The following ABCC6 variants were observed in gnomAD, a reference collection of about 807,000 sequenced individuals.
ABCC6 encodes ATP binding cassette subfamily C member 6.
ABCC6 carries 126 observed loss-of-function variants against 169.5 expected under a neutral mutation model. The observed-to-expected ratio is 0.74, with a 90% CI of 0.64 to 0.86. The LOEUF is 0.86. Ranked by LOEUF, ABCC6 falls within the 40% of genes least tolerant of loss-of-function variation. The probability of loss-of-function intolerance (pLI) is 0.00; values close to 1 mark genes in which losing one functional copy is unlikely to be tolerated. For synonymous variants in ABCC6, 752 were observed against 814.7 expected, an observed-to-expected ratio of 0.92 and a Z score of 1.31; for missense variants, 1,733 against 1,927.2, an observed-to-expected ratio of 0.90 and a Z score of 1.89.
chr16:16,193,372 GCT>G (rs1375566348), intron 10 of ABCC6, among the ~76,000 whole-genome samples: 3 of 152,172 alleles, frequency 2.0e-5, no homozygotes, highest in African/African-American at 7.2e-5. Context: ...CCTCTGGGTT[GCT>G]CTCTCTATGG....
chr16:16,207,183 T>C (rs1436825243), intron 7 of ABCC6, among the ~76,000 whole-genome samples: 1 of 152,080 alleles, frequency 6.6e-6, no homozygotes, highest in Non-Finnish European at 1.5e-5. Flanking sequence ...ACTTATTCTG[T>C]TTGGAAAAAC....
chr16:16,159,684 G>T, intron 25 of ABCC6, 101 bp from the exon 26 acceptor site: 2 of 1,066,204 alleles, frequency 1.9e-6, no homozygotes, highest in South Asian at 1.3e-5. Flanking sequence ...CCAGACCCAG[G>T]GGAGTAAAGA....
intron 15 of ABCC6, among the ~76,000 whole-genome samples, chr16:16,184,419 C>T (rs1259365590): frequency 6.6e-6 from 1 of 152,094 alleles, no homozygotes; most frequent in Non-Finnish European, 1.5e-5. Context: ...ATACCTAGAA[C>T]AGAGCGTGGC....
intron 11 of ABCC6, among the ~76,000 whole-genome samples, chr16:16,192,425 G>A (rs1476927849): frequency 1.3e-5 from 2 of 152,192 alleles, no homozygotes; most frequent in African/African-American, 4.8e-5. Context: ...CTCTGGCTGG[G>A]AGTGGAGAGA....
At position 16,178,879 on chromosome 16, in the gene ABCC6, G is replaced by T; in HGVS notation, c.2334C>A (p.Asp778Glu). Residue 778 changes from aspartate (D) to glutamate (E), a missense_variant, in exon 18 of 31, where the codon GAC (aspartate) becomes GAA (glutamate). Physicochemically the swap from Asp to Glu is conservative, Grantham distance 45 (BLOSUM62 2). This residue lies in a region of ABCC6 where 1,601 missense variants were observed against 1,635.5 expected (regional missense o/e 0.98). Transcript: ENST00000205557. Reference protein sequence around the residue: ...YRKAAVYLLDDPLAALDAHVG... With the variant: ...YRKAAVYLLDEPLAALDAHVG... ...CGTGGGCATCCAGGGCCGCCAGGGGGTCATCCAGCAGGTACACAGCTGCCT... is the reference window on the plus strand; with the variant it reads ...CGTGGGCATCCAGGGCCGCCAGGGGTTCATCCAGCAGGTACACAGCTGCCT... 6.2e-7 allele frequency: 1 copy of T among 1,613,874 alleles called. No homozygotes were observed. The highest frequency in any genetic ancestry group is 8.5e-7 in the Non-Finnish European group (1 of 1,180,022).
At chr16:16,191,995 T>G (rs1027440067) in intron 11 of ABCC6, among the ~76,000 whole-genome samples, 1 of 151,850 alleles carries the variant, frequency 6.6e-6, no homozygotes, top group Non-Finnish European at 1.5e-5. Flanking sequence ...CTGTAGGTTG[T>G]GGGAAGTGCT....
chr16:16,154,583 C>G, intron 29 of ABCC6, 45 bp downstream of exon 29: 1 of 1,610,380 alleles, frequency 6.2e-7, no homozygotes, highest in South Asian at 1.1e-5. Context: ...TGGCCATCCC[C>G]TCCTCTCCCA....
intron 13 of ABCC6, among the ~76,000 whole-genome samples, chr16:16,187,516 T>C (rs1300633261): frequency 6.6e-6 from 1 of 152,220 alleles, no homozygotes; most frequent in Non-Finnish European, 1.5e-5. Flanking sequence ...AGCCATTGTG[T>C]GGAACAATTT....
At chr16:16,216,586 G>C (rs1473306519) in intron 4 of ABCC6, among the ~76,000 whole-genome samples, 1 of 152,018 alleles carries the variant, frequency 6.6e-6, no homozygotes, top group Admixed American at 6.6e-5. Flanking sequence ...TCTGTTGATG[G>C]ACACTTAGGT....
chr16:16,190,563 C>T (rs1790067717), intron 11 of ABCC6, among the ~76,000 whole-genome samples, 196 bp from the exon 12 acceptor site: 1 of 151,982 alleles, frequency 6.6e-6, no homozygotes, highest in Non-Finnish European at 1.5e-5. Context: ...CAGGAGTGCC[C>T]CTGGGATAAT....
chr16:16,187,106 G>C lies in ABCC6; in HGVS notation c.1867+18C>G. 1 of 1,605,292 alleles carries C rather than the reference G, an allele frequency of 6.2e-7. No homozygotes were observed. The highest frequency in any genetic ancestry group is 1.1e-5 in the South Asian group (1 of 90,606). On this transcript the variant is annotated intron_variant, in intron 14 of 30. Coordinates refer to ENST00000205557, the MANE Select transcript of ABCC6 (RefSeq NM_001171.6). ...CCCCCATCCCTCCCACACCCCTCCT[G>C]CCAGACTCAGCACTCACCGCTTCCA...
rs542502733 is a variant in ABCC6 at position 16,198,047 on chromosome 16, C to T, written c.1312G>A (p.Val438Met). ...TGCCAGAGATAGACGAAGCAGACCA[C>T]GATCCAGACGAGAGGCAGCCACAGC... ...NGLWLPLVWI[V>M]VCFVYLWQLL... The change falls in exon 10 of 31, where the codon GTG becomes ATG. Residue 438 changes from valine (V) to methionine (M), a missense_variant. Val to Met is a conservative substitution (Grantham distance 21). This residue lies in a region of ABCC6 where 1,601 missense variants were observed against 1,635.5 expected (regional missense o/e 0.98). Coordinates refer to ENST00000205557, the MANE Select transcript of ABCC6 (RefSeq NM_001171.6). 242 of 1,614,160 alleles carry T rather than the reference C, an allele frequency of 1.5e-4. 3 individuals carry two copies. In the East Asian group the frequency reaches 4.6e-3, roughly 31 times the overall value.
chr16:16,198,587 G>C (rs2048131025), intron 9 of ABCC6, among the ~76,000 whole-genome samples: 2 of 151,930 alleles, frequency 1.3e-5, no homozygotes, highest in Non-Finnish European at 2.9e-5. Flanking sequence ...AGTGGCCTCT[G>C]CCTGTAATCC....
intron 25 of ABCC6, among the ~76,000 whole-genome samples, chr16:16,160,793 A>C (rs1567472930): frequency 6.6e-6 from 1 of 152,182 alleles, no homozygotes; most frequent in Non-Finnish European, 1.5e-5. Flanking sequence ...CAACAAAATG[A>C]GATCCTGTCT....
Position 16,178,955 on chromosome 16 carries a change from A to G in ABCC6, c.2258T>C (p.Leu753Pro), listed in dbSNP as rs1555512484. 8 of 1,612,536 alleles carry G rather than the reference A, an allele frequency of 5.0e-6. No individual in the cohort carries two copies. The highest frequency in any genetic ancestry group is 6.8e-6 in the Non-Finnish European group (8 of 1,180,006). The change falls in exon 18 of 31, where the codon CTC (leucine) becomes CCC (proline). Residue 753 changes from leucine (L) to proline (P), a missense_variant. Around this residue, in one of 5 missense-constraint regions of ABCC6, gnomAD observed 1,601 missense variants for 1,635.5 expected, o/e 0.98. Coordinates refer to ENST00000205557, the MANE Select transcript of ABCC6 (RefSeq NM_001171.6). ...HTSIGEQGMN[L>P]SGGQKQRLSL... ...CAGCCGCTGCTTCTGGCCTCCGGAG[A>G]GATTCATGCCCTGTGGCCACAAAAG...
At chr16:16,191,635 C>T (rs2047856665) in intron 11 of ABCC6, among the ~76,000 whole-genome samples, 1 of 73,314 alleles carries the variant, frequency 1.4e-5, no homozygotes, top group African/African-American at 4.9e-5. Flanking sequence ...TGCTTTCTTC[C>T]CTCTTTCCTT....
Position 16,166,927 on chromosome 16 carries a change from C to CA in ABCC6, c.2996-995dup, listed in dbSNP as rs1567480753. ...AAAACAAACAAACAAACAAAAAAAC[C>CA]AAAAAAACCTCCACAAAGAGTTAAC... On this transcript the variant is annotated intron_variant, in intron 22 of 30. Coordinates refer to ENST00000205557, the MANE Select transcript of ABCC6 (RefSeq NM_001171.6). 4.9e-5 allele frequency among the ~76,000 whole-genome samples: 7 copies of CA among 142,966 alleles called. No homozygotes were observed. In the South Asian group the frequency reaches 1.2e-3, roughly 24 times the overall value. 93.8% of individuals were successfully genotyped at this position (142,966 alleles called of 152,430 possible).
Position 16,173,395 on chromosome 16 carries a change from C to G in ABCC6, c.2676G>C (p.Lys892Asn). 6.2e-7 allele frequency: 1 copy of G among 1,614,050 alleles called. No individual in the cohort carries two copies. The highest frequency in any genetic ancestry group is 8.5e-7 in the Non-Finnish European group (1 of 1,180,004). ...RPELRRERSI[K>N]SVPEKDRTTS... ...TGGTACGGTCCTTCTCAGGGACTGA[C>G]TTGATGGACCTGTCATTTAGAGGAA... is the stretch of plus-strand genomic sequence containing the variant. Residue 892 changes from lysine (K) to asparagine (N), a missense_variant, in exon 21 of 31, where the codon AAG (lysine) becomes AAC (asparagine). Lys to Asn is a moderately conservative substitution (Grantham distance 94, BLOSUM62 0). Transcript: ENST00000205557.
intron 27 of ABCC6, chr16:16,155,463 C>T: frequency 4.5e-6 from 1 of 221,836 alleles, no homozygotes; most frequent in East Asian, 1.0e-4. Context: ...ATCTCTCTTC[C>T]ACCCCATTCC....
Sources: gnomAD v4.1 joint callset for allele counts (sites outside exome capture counted in the v4.1 genomes callset) on GRCh38, gnomAD v4.1.1 for gene constraint, gnomAD v4.1.1 regional missense constraint, MANE v1.5 for transcripts, NCBI Gene and HGNC (gene_info 2026-07-23, HGNC 2026-07-21) for gene names.